RBKS: variants seen among roughly 807,000 people sequenced by gnomAD.
RBKS encodes ribokinase.
A neutral mutation model predicts 33.9 loss-of-function variants in RBKS; 33 were observed. That is an observed-to-expected ratio of 0.97 (90% CI 0.74 to 1.30). RBKS has a LOEUF of 1.30. Among genes scored for constraint, RBKS ranks in the 50% most tolerant of loss-of-function variants. RBKS has a pLI of 0.00. For missense variants in RBKS, 361 were observed against 392.6 expected (o/e 0.92, Z 0.68); for synonymous variants, 125 against 143.0 (o/e 0.87, Z 0.90).
intron 1 of RBKS, among the ~76,000 whole-genome samples, chr2:27,881,688 C>T (rs1664419564): frequency 6.6e-6 from 1 of 152,064 alleles, no homozygotes; most frequent in African/African-American, 2.4e-5. Flanking sequence ...CTACAGTAAC[C>T]AAAACAGCAT....
intron 1 of RBKS, chr2:27,870,717 T>C: frequency 6.6e-6 from 3 of 453,384 alleles, no homozygotes; most frequent in Non-Finnish European, 1.3e-5. Context: ...TTGATGTGAG[T>C]AGTGAAACCA....
chr2:27,847,583 G>T (rs1407934871), intron 3 of RBKS, among the ~76,000 whole-genome samples: 1 of 152,184 alleles, frequency 6.6e-6, no homozygotes, highest in East Asian at 1.9e-4. Context: ...GCAGCAAAGA[G>T]CCCTGAACTG....
intron 1 of RBKS, among the ~76,000 whole-genome samples, chr2:27,878,161 C>G (rs1664350885): frequency 6.6e-6 from 1 of 151,876 alleles, no homozygotes; most frequent in Non-Finnish European, 1.5e-5. Flanking sequence ...AGGTATATCT[C>G]CTAATGCTAT....
At chr2:27,815,783 C>T (rs1440614183) in intron 7 of RBKS, among the ~76,000 whole-genome samples, 3 of 152,138 alleles carry the variant, frequency 2.0e-5, no homozygotes, top group Non-Finnish European at 4.4e-5. Flanking sequence ...GCTCCCATAA[C>T]CTTATACAAT....
At chr2:27,864,419 C>T (rs1378377705) in intron 1 of RBKS, among the ~76,000 whole-genome samples, 2 of 152,144 alleles carry the variant, frequency 1.3e-5, no homozygotes, top group Non-Finnish European at 2.9e-5. Flanking sequence ...CCAGAAGTGA[C>T]CAGCCTTTCA....
chr2:27,786,235 G>A (rs1165067833), intron 7 of RBKS, among the ~76,000 whole-genome samples: 3 of 152,294 alleles, frequency 2.0e-5, no homozygotes, highest in East Asian at 1.9e-4. Flanking sequence ...AGGGACAGTG[G>A]TCTTTTCTTC....
In RBKS at chr2:27,871,989, C is replaced by T. The variant is rs575513675; in HGVS notation, c.90-13418G>A. On this transcript the variant is annotated intron_variant, in intron 1 of 7. Transcript: ENST00000302188. ...CTAGATCCCTTGCATGTGCAGTTCA[C>T]GATAGGGTTCACGCTACTATGAGAA... is the stretch of plus-strand genomic sequence containing the variant. 1.1e-3 allele frequency among the ~76,000 whole-genome samples: 170 copies of T among 152,304 alleles called. 1 individual carries two copies. The highest frequency in any genetic ancestry group is 3.9e-3 in the African/African-American group (164 of 41,572).
At chr2:27,836,137 C>T (rs570983692) in intron 5 of RBKS, among the ~76,000 whole-genome samples, 2 of 152,088 alleles carry the variant, frequency 1.3e-5, no homozygotes, top group Non-Finnish European at 2.9e-5. Context: ...ATCGCTTGAA[C>T]CTGGGAGGCG....
At chr2:27,811,174 C>T (rs1458531298) in intron 7 of RBKS, among the ~76,000 whole-genome samples, 1 of 152,224 alleles carries the variant, frequency 6.6e-6, no homozygotes, top group Admixed American at 6.5e-5. Context: ...AGCTCCTTCC[C>T]TTACCCTCTC....
chr2:27,785,917 C>T (rs932764874), intron 7 of RBKS, among the ~76,000 whole-genome samples: 20 of 152,118 alleles, frequency 1.3e-4, no homozygotes, highest in Non-Finnish European at 2.6e-4. Flanking sequence ...AAAGGCAAAA[C>T]GCTGGAAACC....
chr2:27,783,636 A>T (rs916610337), intron 7 of RBKS, among the ~76,000 whole-genome samples: 1 of 151,848 alleles, frequency 6.6e-6, no homozygotes, highest in East Asian at 2.0e-4. Context: ...GGCCGGGCGC[A>T]GTGGCTCACG....
At chr2:27,832,573 C>T (rs1299712905) in intron 6 of RBKS, 113 bp downstream of exon 6, 4 of 745,534 alleles carry the variant, frequency 5.4e-6, no homozygotes, top group Non-Finnish European at 9.4e-6. Context: ...CTGTTTTCAC[C>T]ATGCCTGAGA....
intron 7 of RBKS, among the ~76,000 whole-genome samples, chr2:27,802,486 G>T (rs972262575): frequency 1.3e-5 from 2 of 151,864 alleles, no homozygotes; most frequent in Non-Finnish European, 2.9e-5. Context: ...AATTTCACGG[G>T]GGAAGAGGGA....
At position 27,865,043 on chromosome 2, in the gene RBKS, G is replaced by A. The variant is rs566917157; in HGVS notation, c.90-6472C>T. Among the ~76,000 whole-genome samples, 3 of 152,244 alleles carry A rather than the reference G, an allele frequency of 2.0e-5. 1 individual carries two copies. Among genetic ancestry groups the A allele is most frequent in the African/African-American group, 4.8e-5 (2 of 41,552 alleles). On this transcript the variant is annotated intron_variant, in intron 1 of 7. Coordinates refer to ENST00000302188, the MANE Select transcript of RBKS (RefSeq NM_022128.3). ...TTGCCATTCAAACATTCTTTAGGCC[G>A]GGCGCGACGGCTCACGCCTGTAATC...
At chr2:27,804,002 A>G (rs1677850522) in intron 7 of RBKS, among the ~76,000 whole-genome samples, 1 of 152,130 alleles carries the variant, frequency 6.6e-6, no homozygotes, top group African/African-American at 2.4e-5. Flanking sequence ...AGATCACACC[A>G]CTGCACTTCA....
intron 1 of RBKS, among the ~76,000 whole-genome samples, chr2:27,880,475 G>A (rs562501531): frequency 6.6e-6 from 1 of 152,274 alleles, no homozygotes; most frequent in South Asian, 2.1e-4. Flanking sequence ...AAGAGAGGAA[G>A]TCAAACTATC....
chr2:27,840,355 C>CAT (rs55663951), intron 5 of RBKS, among the ~76,000 whole-genome samples: 1 of 99,132 alleles, frequency 1.0e-5, no homozygotes, highest in Non-Finnish European at 2.1e-5. Flanking sequence ...CACACACACA[C>CAT]GCGCGCGCGC....
chr2:27,802,960 C>A (rs1159810531), intron 7 of RBKS, among the ~76,000 whole-genome samples: 2 of 152,328 alleles, frequency 1.3e-5, no homozygotes, highest in Admixed American at 1.3e-4. Context: ...AGTTCCACAG[C>A]TCAAATCTGA....
At chr2:27,862,229 C>T (rs911411294) in intron 1 of RBKS, among the ~76,000 whole-genome samples, 11 of 151,968 alleles carry the variant, frequency 7.2e-5, no homozygotes, top group Non-Finnish European at 1.5e-4. Context: ...GGATTGCATG[C>T]GTGAGCCACC....
Sources: gnomAD v4.1 joint callset for allele counts (sites outside exome capture counted in the v4.1 genomes callset) on GRCh38, gnomAD v4.1.1 for gene constraint, MANE v1.5 for transcripts, NCBI Gene and HGNC (gene_info 2026-07-23, HGNC 2026-07-21) for gene names.